LRP1B: variants seen among roughly 807,000 people sequenced by gnomAD.
LRP1B encodes LDL receptor related protein 1B.
In LRP1B, 217 loss-of-function variants were observed where a neutral mutation model predicts 556.6. The observed-to-expected ratio is 0.39, with a 90% CI of 0.35 to 0.44. The LOEUF is 0.44. Among genes scored for constraint, LRP1B ranks in the 20% least tolerant of loss-of-function variants. The probability of loss-of-function intolerance (pLI) is 1.00; values close to 1 mark genes in which losing one functional copy is unlikely to be tolerated. For missense variants in LRP1B, 5,053 were observed against 5,620.8 expected, an observed-to-expected ratio of 0.90 and a Z score of 3.23; for synonymous variants, 2,047 against 1,865.8, an observed-to-expected ratio of 1.10 and a Z score of -2.50.
intron 68 of LRP1B, among the ~76,000 whole-genome samples, chr2:140,375,026 A>G (rs684762): frequency 0.23 from 35,410 of 152,034 alleles, 5,137 homozygotes; most frequent in African/African-American, 0.42. Flanking sequence ...GAAGAAAACA[A>G]GTCAGTTATA....
At position 140,444,361 on chromosome 2, in the gene LRP1B, G is replaced by T. The variant is rs1268828829; in HGVS notation, c.10263C>A (p.Asp3421Glu). Residue 3421 changes from aspartate (D) to glutamate (E), a missense_variant, in exon 65 of 91, where the codon GAC becomes GAA. This residue lies in a region of LRP1B where 262 missense variants were observed against 395.1 expected (regional missense o/e 0.66). Coordinates refer to ENST00000389484, the MANE Select transcript of LRP1B (RefSeq NM_018557.3). ...CTCTTTCATCTTCCTCATCACCACA[G>T]TCATCTTGCCCATTACATCTTAAGT... ...PVNLRCNGQD[D>E]CGDEEDERDC... 4.3e-6 allele frequency: 7 copies of T among 1,613,746 alleles called. 1 individual carries two copies. In the South Asian group the frequency reaches 7.7e-5, roughly 18 times the overall value.
intron 2 of LRP1B, among the ~76,000 whole-genome samples, chr2:141,544,339 TCTTCTTC>T (rs1685436450): frequency 1.3e-5 from 1 of 77,168 alleles, no homozygotes; most frequent in East Asian, 5.0e-4. Flanking sequence ...TTCTTCTTCT[TCTTCTTC>T]TTCTTCTTCT....
chr2:141,042,954 G>A (rs529071930), intron 11 of LRP1B, among the ~76,000 whole-genome samples: 20 of 149,454 alleles, frequency 1.3e-4, no homozygotes, highest in Non-Finnish European at 2.0e-4. Flanking sequence ...CACTTTGTGG[G>A]GCTCAGGCAA....
chr2:141,549,633 G>A (rs1023148326), intron 2 of LRP1B, among the ~76,000 whole-genome samples: 8 of 151,942 alleles, frequency 5.3e-5, no homozygotes, highest in African/African-American at 1.5e-4. Flanking sequence ...CAGTGTTTGC[G>A]AATTACAAAA....
At chr2:141,275,564 G>C (rs997992926) in intron 3 of LRP1B, among the ~76,000 whole-genome samples, 2 of 152,076 alleles carry the variant, frequency 1.3e-5, no homozygotes, top group African/African-American at 4.8e-5. Context: ...ACAAAAATCA[G>C]CTGGGCATGG....
At chr2:141,473,934 T>TGATA (rs370544479) in intron 3 of LRP1B, among the ~76,000 whole-genome samples, 67,475 of 151,676 alleles carry the variant, frequency 0.44, 15,294 homozygotes, top group Non-Finnish European at 0.49. Flanking sequence ...CAAGATTAAT[T>TGATA]AAGTAAAATT....
chr2:140,433,521 G>A (rs35458275), intron 66 of LRP1B, among the ~76,000 whole-genome samples: 20,986 of 152,114 alleles, frequency 0.14, 1,665 homozygotes, highest in African/African-American at 0.21. Context: ...CATTTAATAC[G>A]AATTGTTAGC....
At chr2:141,962,888 T>C (rs1701440846) in intron 1 of LRP1B, among the ~76,000 whole-genome samples, 1 of 151,844 alleles carries the variant, frequency 6.6e-6, no homozygotes, top group South Asian at 2.1e-4. Context: ...CACAATTTAG[T>C]AAGTGCCATT....
intron 41 of LRP1B, among the ~76,000 whole-genome samples, chr2:140,615,454 C>T (rs558771823): frequency 5.3e-5 from 8 of 152,100 alleles, no homozygotes; most frequent in Non-Finnish European, 1.2e-4. Flanking sequence ...TAAACTCTTT[C>T]TCTACTGCAA....
At chr2:141,248,699 A>G (rs1157968785) in intron 4 of LRP1B, among the ~76,000 whole-genome samples, 1 of 152,186 alleles carries the variant, frequency 6.6e-6, no homozygotes, top group African/African-American at 2.4e-5. Context: ...AAAAGACTGT[A>G]CATTACACAT....
intron 3 of LRP1B, among the ~76,000 whole-genome samples, chr2:141,388,697 T>G (rs1312104563): frequency 6.6e-6 from 1 of 151,972 alleles, no homozygotes; most frequent in Non-Finnish European, 1.5e-5. Flanking sequence ...GCCCTCAAGT[T>G]TGGAAAAGAA....
At chr2:141,831,900 G>T (rs1034555401) in intron 1 of LRP1B, among the ~76,000 whole-genome samples, 3 of 151,604 alleles carry the variant, frequency 2.0e-5, no homozygotes, top group Admixed American at 6.6e-5. Context: ...TGGTTTCATT[G>T]CTCAAGCCTC....
intron 37 of LRP1B, among the ~76,000 whole-genome samples, chr2:140,706,399 AT>A (rs1686838497): frequency 2.6e-5 from 4 of 152,204 alleles, no homozygotes; most frequent in Non-Finnish European, 5.9e-5. Flanking sequence ...CAAATGCTAT[AT>A]TGTGTAACTG....
At chr2:141,289,598 C>G (rs1309100639) in intron 3 of LRP1B, among the ~76,000 whole-genome samples, 1 of 151,884 alleles carries the variant, frequency 6.6e-6, no homozygotes, top group Non-Finnish European at 1.5e-5. Flanking sequence ...GATATATGAT[C>G]ACAGGAGCAA....
intron 49 of LRP1B, among the ~76,000 whole-genome samples, chr2:140,519,249 G>A (rs1690052020): frequency 6.6e-6 from 1 of 152,106 alleles, no homozygotes; most frequent in Admixed American, 6.6e-5. Context: ...CATGATACTG[G>A]TAACAAAACA....
rs138990623 is a variant in LRP1B, at chr2:140,475,532, C to A, written c.9426-195G>T. ...CACATCTAGTATGATTTGAAATATTCTTATAACTTTAAACATATGTTTATT... is the reference window on the plus strand; with the variant it reads ...CACATCTAGTATGATTTGAAATATTATTATAACTTTAAACATATGTTTATT... On this transcript the variant is annotated intron_variant, in intron 59 of 90. Transcript: ENST00000389484. Among the ~76,000 whole-genome samples, 47 of 150,232 alleles carry A rather than the reference C, an allele frequency of 3.1e-4. No homozygotes were observed. In the East Asian group the frequency reaches 8.9e-3, roughly 28 times the overall value.
chr2:141,370,551 C>A (rs1689193946), intron 3 of LRP1B, among the ~76,000 whole-genome samples: 2 of 152,102 alleles, frequency 1.3e-5, no homozygotes, highest in Admixed American at 6.6e-5. Flanking sequence ...GGATATGAGT[C>A]CCCTGTTGAA....
chr2:141,500,446 A>G (rs1683673204), intron 2 of LRP1B, among the ~76,000 whole-genome samples: 1 of 152,150 alleles, frequency 6.6e-6, no homozygotes, highest in South Asian at 2.1e-4. Flanking sequence ...ACTAAGCTAA[A>G]GAGCGCAGAA....
chr2:141,440,795 G>T (rs904388512), intron 3 of LRP1B, among the ~76,000 whole-genome samples: 1 of 152,210 alleles, frequency 6.6e-6, no homozygotes, highest in Non-Finnish European at 1.5e-5. Context: ...CCGATTTTGT[G>T]AAAAGTTATG....
Sources: allele counts gnomAD v4.1 joint callset (sites outside exome capture counted in the v4.1 genomes callset), GRCh38; gene constraint gnomAD v4.1.1; regional missense constraint gnomAD v4.1.1; transcripts MANE v1.5; gene names NCBI Gene and HGNC (gene_info 2026-07-23, HGNC 2026-07-21).